The following CMIP variants were observed in gnomAD, a reference collection of about 807,000 sequenced individuals.
CMIP encodes the protein C-Maf-inducing protein.
A neutral mutation model predicts 97.3 loss-of-function variants in CMIP; 13 were observed. The ratio of observed to expected loss-of-function variants is 0.13; its 90% confidence interval spans 0.09 to 0.21. The LOEUF is 0.21. Among genes scored for constraint, CMIP ranks in the 10% least tolerant of loss-of-function variants. The probability of loss-of-function intolerance (pLI) is 1.00; values close to 1 mark genes in which losing one functional copy is unlikely to be tolerated. For synonymous variants in CMIP, 538 were observed against 436.3 expected, an observed-to-expected ratio of 1.23 and a Z score of -2.91; for missense variants, 847 against 1,024.9, an observed-to-expected ratio of 0.83 and a Z score of 2.37.
At chr16:81,653,392 C>G (rs1281838178) in intron 4 of CMIP, among the ~76,000 whole-genome samples, 1 of 152,248 alleles carries the variant, frequency 6.6e-6, no homozygotes, top group Non-Finnish European at 1.5e-5. Context: ...GAGAAGGTCC[C>G]TCACTCCAGG....
rs557371009 is a variant in CMIP at position 81,579,829 on chromosome 16, G to T, written c.301-27738G>T. Among the ~76,000 whole-genome samples the T allele has an allele frequency of 5.9e-5, 9 of 152,292 alleles. No individual in the cohort carries two copies. The South Asian group carries it at 1.9e-3, about 32-fold the overall frequency. On this transcript the variant is annotated intron_variant, in intron 1 of 20. Coordinates refer to ENST00000537098, the MANE Select transcript of CMIP (RefSeq NM_198390.3). ...AAATTAGCTGGGCGTGGTGGCGGAC[G>T]CCTGTAGTCCCAGTTACTCGGGAGG...
chr16:81,530,274 C>T (rs999446926), intron 1 of CMIP, among the ~76,000 whole-genome samples: 1 of 152,236 alleles, frequency 6.6e-6, no homozygotes, highest in East Asian at 1.9e-4. Flanking sequence ...TTACCCCAGG[C>T]GAATGTGATT....
At chr16:81,551,003 GTCACACGCACCCCAGTTCA>G (rs2090644333) in intron 1 of CMIP, among the ~76,000 whole-genome samples, 9 of 65,212 alleles carry the variant, frequency 1.4e-4, no homozygotes, top group East Asian at 4.3e-4. Flanking sequence ...CCCCAGTCCC[GTCACACGCACCCCAGTTCA>G]TCACACGCAC....
chr16:81,543,170 G>C (rs893486090), intron 1 of CMIP, among the ~76,000 whole-genome samples: 1 of 152,228 alleles, frequency 6.6e-6, no homozygotes, highest in African/African-American at 2.4e-5. Flanking sequence ...CTTCGCTCCA[G>C]GTGAGCGCAT....
chr16:81,695,103 C>T (rs1347776841), intron 13 of CMIP, among the ~76,000 whole-genome samples: 1 of 152,152 alleles, frequency 6.6e-6, no homozygotes, highest in Admixed American at 6.6e-5. Context: ...AATTCTCAAA[C>T]CAGGGAAATG....
chr16:81,702,474 G>A (rs943976356), intron 16 of CMIP, 148 bp from the exon 17 acceptor site: 2 of 750,052 alleles, frequency 2.7e-6, no homozygotes, highest in South Asian at 1.6e-5. Flanking sequence ...CCTCATCTCC[G>A]GGTTTGCCCC....
At chr16:81,526,488 T>TAA (rs1315661046) in intron 1 of CMIP, among the ~76,000 whole-genome samples, 2 of 152,218 alleles carry the variant, frequency 1.3e-5, no homozygotes, top group African/African-American at 2.4e-5. Context: ...ACCCCAAAGT[T>TAA]ACAGTAGTTA....
intron 1 of CMIP, among the ~76,000 whole-genome samples, chr16:81,504,066 C>G (rs1191539187): frequency 6.6e-6 from 1 of 152,232 alleles, no homozygotes; most frequent in Non-Finnish European, 1.5e-5. Flanking sequence ...TGGCTTACAC[C>G]TGTAATTCCA....
chr16:81,576,253 A>C (rs2091187088), intron 1 of CMIP, among the ~76,000 whole-genome samples: 1 of 151,994 alleles, frequency 6.6e-6, no homozygotes, highest in African/African-American at 2.4e-5. Flanking sequence ...AAAATACAAA[A>C]ATTATCCAGG....
intron 1 of CMIP, among the ~76,000 whole-genome samples, chr16:81,488,530 G>A (rs905676988): frequency 1.3e-5 from 2 of 152,148 alleles, no homozygotes; most frequent in Non-Finnish European, 2.9e-5. Flanking sequence ...GGCCTCCTCT[G>A]TGTCTGGTTC....
chr16:81,665,824 T>A (rs920227186), intron 7 of CMIP: 1 of 151,394 alleles, frequency 6.6e-6, no homozygotes, highest in Non-Finnish European at 1.5e-5. Flanking sequence ...ATAGCACTCT[T>A]TCTGTAGAGC....
chr16:81,467,812 C>G (rs1354888339), intron 1 of CMIP, among the ~76,000 whole-genome samples: 1 of 150,970 alleles, frequency 6.6e-6, no homozygotes, highest in Non-Finnish European at 1.5e-5. Context: ...AACTCCTGGA[C>G]TCAAGCAATT....
chr16:81,680,823 C>T (rs1442492797), intron 10 of CMIP, among the ~76,000 whole-genome samples: 1 of 152,242 alleles, frequency 6.6e-6, no homozygotes, highest in Admixed American at 6.5e-5. Context: ...TCCACTCCAA[C>T]TCCCCAGTTC....
chr16:81,468,252 G>A (rs577315044), intron 1 of CMIP, among the ~76,000 whole-genome samples: 114 of 152,200 alleles, frequency 7.5e-4, no homozygotes, highest in Non-Finnish European at 9.4e-4. Flanking sequence ...TCCCAAGCCT[G>A]TCTTCAAGAT....
intron 1 of CMIP, among the ~76,000 whole-genome samples, chr16:81,565,175 C>T (rs773001412): frequency 7.5e-4 from 114 of 152,266 alleles, no homozygotes; most frequent in Non-Finnish European, 1.4e-3. Context: ...AGGGATGCCC[C>T]AGCCCCAAAG....
At chr16:81,475,037 G>A (rs1387063421) in intron 1 of CMIP, among the ~76,000 whole-genome samples, 1 of 152,206 alleles carries the variant, frequency 6.6e-6, no homozygotes, top group Non-Finnish European at 1.5e-5. Flanking sequence ...CCGTGGCCTT[G>A]TGGCTTCATG....
chr16:81,605,705 T>G (rs966039904), intron 1 of CMIP, among the ~76,000 whole-genome samples: 6 of 152,244 alleles, frequency 3.9e-5, no homozygotes, highest in African/African-American at 1.4e-4. Context: ...TTACTCCTGC[T>G]CTCGGCCACC....
At chr16:81,682,533 C>G (rs1009469689) in intron 10 of CMIP, among the ~76,000 whole-genome samples, 1 of 152,012 alleles carries the variant, frequency 6.6e-6, no homozygotes, top group Non-Finnish European at 1.5e-5. Context: ...CCATTGCGTT[C>G]CATCCTGGGC....
At chr16:81,507,099 CA>C (rs1483152945) in intron 1 of CMIP, among the ~76,000 whole-genome samples, 1 of 150,944 alleles carries the variant, frequency 6.6e-6, no homozygotes, top group Admixed American at 6.6e-5. Flanking sequence ...AAAAAAAATA[CA>C]AAAAAATTAG....
Sources: gnomAD v4.1 joint callset for allele counts (sites outside exome capture counted in the v4.1 genomes callset) on GRCh38, gnomAD v4.1.1 for gene constraint, MANE v1.5 for transcripts, NCBI Gene and HGNC (gene_info 2026-07-23, HGNC 2026-07-21) for gene names.